The following ZFHX3 variants were observed in gnomAD, a reference collection of about 807,000 sequenced individuals.
The protein encoded by ZFHX3 is zinc finger homeobox 3.
Under a neutral mutation model 279.1 loss-of-function variants are expected in ZFHX3, and 42 were observed. The observed-to-expected ratio is 0.15, with a 90% CI of 0.12 to 0.19. The LOEUF (loss-of-function observed/expected upper bound fraction) is 0.19. Among genes scored for constraint, ZFHX3 ranks in the 10% least tolerant of loss-of-function variants. The probability of loss-of-function intolerance (pLI) is 1.00; values close to 1 mark genes in which losing one functional copy is unlikely to be tolerated. For synonymous variants in ZFHX3, 2,293 were observed against 1,957.8 expected (o/e 1.17, Z -4.52); for missense variants, 4,981 against 4,754.0 (o/e 1.05, Z -1.40).
intron 2 of ZFHX3, among the ~76,000 whole-genome samples, chr16:73,517,842 T>C (rs761847476): frequency 4.9e-4 from 75 of 152,204 alleles, no homozygotes; most frequent in Non-Finnish European, 5.4e-4. Context: ...AACAGAAATA[T>C]CACGTGAGTC....
intron 2 of ZFHX3, among the ~76,000 whole-genome samples, chr16:73,642,765 G>A (rs1415461540): frequency 1.3e-5 from 2 of 152,046 alleles, no homozygotes; most frequent in African/African-American, 2.4e-5. Context: ...CCTGACAAAC[G>A]GGCATGAAAT....
At chr16:72,977,089 C>T (rs760914288) in intron 1 of ZFHX3, among the ~76,000 whole-genome samples, 1 of 152,222 alleles carries the variant, frequency 6.6e-6, no homozygotes, top group Non-Finnish European at 1.5e-5. Flanking sequence ...AGCATTTCTT[C>T]TCCTTTGATG....
intron 7 of ZFHX3, among the ~76,000 whole-genome samples, chr16:73,119,785 T>C (rs568795896): frequency 6.6e-6 from 1 of 152,216 alleles, no homozygotes; most frequent in South Asian, 2.1e-4. Context: ...TGAGTTCAAG[T>C]GGCTGGCTTC....
At chr16:73,214,652 T>C (rs1267801557) in intron 5 of ZFHX3, among the ~76,000 whole-genome samples, 2 of 152,048 alleles carry the variant, frequency 1.3e-5, no homozygotes, top group African/African-American at 4.8e-5. Context: ...GTGCTCGAGA[T>C]CTCTTAGTGG....
At chr16:73,580,624 C>T (rs1163914629) in intron 2 of ZFHX3, among the ~76,000 whole-genome samples, 3 of 151,026 alleles carry the variant, frequency 2.0e-5, no homozygotes, top group Admixed American at 6.6e-5. Context: ...CTTTTAGTTG[C>T]CTATCTTTCA....
At chr16:73,630,114 A>T (rs1287933578) in intron 2 of ZFHX3, among the ~76,000 whole-genome samples, 1 of 152,230 alleles carries the variant, frequency 6.6e-6, no homozygotes, top group East Asian at 1.9e-4. Context: ...TTGAAAAAAA[A>T]AATTCCAGAG....
intron 4 of ZFHX3, among the ~76,000 whole-genome samples, chr16:72,888,206 T>C (rs1213531334): frequency 6.6e-6 from 1 of 152,184 alleles, no homozygotes; most frequent in African/African-American, 2.4e-5. Flanking sequence ...TTAAAAAATA[T>C]AAAAATGTGT....
chr16:73,807,598 A>G (rs1960313005), intron 1 of ZFHX3, among the ~76,000 whole-genome samples: 1 of 143,680 alleles, frequency 7.0e-6, no homozygotes, highest in Non-Finnish European at 1.5e-5. Context: ...CTGGGCCTAC[A>G]GGCACATTCC....
intron 2 of ZFHX3, among the ~76,000 whole-genome samples, chr16:73,568,645 C>G (rs1019218453): frequency 6.6e-6 from 1 of 152,174 alleles, no homozygotes. Context: ...CCTCTTCCCA[C>G]CGGGTAAGTC....
chr16:73,408,859 G>A (rs1004819247), intron 3 of ZFHX3, among the ~76,000 whole-genome samples: 3 of 151,984 alleles, frequency 2.0e-5, no homozygotes, highest in Non-Finnish European at 4.4e-5. Context: ...TCAAATTCCA[G>A]CGAGGCAACC....
At position 72,788,507 on chromosome 16, in the gene ZFHX3, G is replaced by A. The variant is rs140395945; in HGVS notation, c.9769C>T (p.Pro3257Ser). The A allele has an allele frequency of 6.2e-7, 1 of 1,614,030 alleles. No individual in the cohort carries two copies. Among genetic ancestry groups the A allele is most frequent in the Non-Finnish European group, 8.5e-7 (1 of 1,180,024 alleles). Residue 3257 changes from proline to serine, a missense_variant, in exon 10 of 10, where the codon CCC (proline) becomes TCC (serine). Physicochemically the swap from Pro to Ser is moderately conservative, Grantham distance 74. Transcript: ENST00000268489. The stretch of plus-strand genomic sequence containing the variant: ...GGGGCCTCTCCTTTCTCCTTCTTGG[G>A]GACAGGCAGGGGTTCCCCTTTCCCT... ...HKGKGEPLPV[P>S]KKEKGEAPTA...
chr16:73,782,545 A>G (rs1002979062), intron 1 of ZFHX3, among the ~76,000 whole-genome samples: 11 of 152,196 alleles, frequency 7.2e-5, no homozygotes, highest in African/African-American at 1.9e-4. Flanking sequence ...CTTAGAGAAC[A>G]TGAATATCCT....
chr16:73,669,311 C>T (rs1039059136), intron 2 of ZFHX3, among the ~76,000 whole-genome samples: 19 of 152,184 alleles, frequency 1.2e-4, no homozygotes, highest in African/African-American at 4.6e-4. Context: ...GCCTTGGCCT[C>T]CCAAAGTGCT....
At position 72,787,320 on chromosome 16, in the gene ZFHX3, C is replaced by G. The variant is rs1294915121; in HGVS notation, c.10956G>C (p.Gln3652His). ...AATAGTCGTCTGTTGGCATCGAGGG[C>G]TGAACCCCTGAGGTGCTGCATGAAC... ...TSSSCSTSGV[Q>H]PSMPTDDYSE... Residue 3652 changes from glutamine to histidine, a missense_variant, in exon 10 of 10, where the codon CAG becomes CAC. Coordinates refer to ENST00000268489, the MANE Select transcript of ZFHX3 (RefSeq NM_006885.4). 6 of 1,613,978 alleles carry G rather than the reference C, an allele frequency of 3.7e-6. No individual in the cohort carries two copies. The highest frequency in any genetic ancestry group is 5.1e-6 in the Non-Finnish European group (6 of 1,179,992).
intron 5 of ZFHX3, among the ~76,000 whole-genome samples, chr16:73,174,324 GGCT>G (rs1967611458): frequency 1.3e-5 from 2 of 151,718 alleles, no homozygotes; most frequent in African/African-American, 4.9e-5. Flanking sequence ...GAGGAATAAG[GGCT>G]GCCAAACCGC....
intron 1 of ZFHX3, among the ~76,000 whole-genome samples, chr16:73,785,691 A>G (rs1430446026): frequency 6.6e-6 from 1 of 152,110 alleles, no homozygotes; most frequent in Non-Finnish European, 1.5e-5. Flanking sequence ...ATTAAGTTCT[A>G]CACTGGAAAT....
At chr16:73,170,611 G>A (rs1967499102) in intron 5 of ZFHX3, among the ~76,000 whole-genome samples, 1 of 152,206 alleles carries the variant, frequency 6.6e-6, no homozygotes, top group Non-Finnish European at 1.5e-5. Flanking sequence ...GACAGAAACA[G>A]TTGCTTGCTT....
rs2035804320 is a variant in ZFHX3, at chr16:72,793,990, C to G, written c.8692G>C (p.Ala2898Pro). ...DRLSSGLVSP[A>P]PSFYSKEYDN... ...TATTCCTTGCTATAAAAGCTCGGGG[C>G]CGGGCTGACCAGACCAGATGACAAC... Residue 2898 changes from alanine to proline, a missense_variant, in exon 9 of 10, where the codon GCC becomes CCC. Around this residue, in one of 7 missense-constraint regions of ZFHX3, gnomAD observed 744 missense variants for 701.3 expected, o/e 1.06. Transcript: ENST00000268489. The surrounding 1 kb of genome is among the most constrained non-coding windows in gnomAD (Gnocchi z 4.3). The G allele has an allele frequency of 1.9e-6, 3 of 1,614,108 alleles. No individual in the cohort carries two copies. Among genetic ancestry groups the G allele is most frequent in the Non-Finnish European group, 2.5e-6 (3 of 1,180,056 alleles).
intron 1 of ZFHX3, among the ~76,000 whole-genome samples, chr16:73,689,103 A>C (rs960562922): frequency 1.3e-5 from 2 of 152,242 alleles, no homozygotes; most frequent in African/African-American, 4.8e-5. Flanking sequence ...AAACCAACCC[A>C]TTTTAAATGA....
Sources: gnomAD v4.1 joint callset for allele counts (sites outside exome capture counted in the v4.1 genomes callset) on GRCh38, gnomAD v4.1.1 for gene constraint, gnomAD v4.1.1 regional missense constraint, Gnocchi (gnomAD v3.1) non-coding constraint, MANE v1.5 for transcripts, NCBI Gene and HGNC (gene_info 2026-07-23, HGNC 2026-07-21) for gene names.